Variants in NLRP2 observed in about 807,000 individuals in gnomAD.
NLRP2 encodes the protein NLR family pyrin domain containing 2, also known as NACHT, LRR and PYD domains-containing protein 2.
NLRP2 carries 107 observed loss-of-function variants against 97.2 expected under a neutral mutation model. The observed-to-expected ratio is 1.10, with a 90% confidence interval of 0.94 to 1.29. The LOEUF (loss-of-function observed/expected upper bound fraction) is 1.29, where lower values mean the gene tolerates loss of function less well. Among genes scored for constraint, NLRP2 ranks in the 50% most tolerant of loss-of-function variants. The pLI, the probability that NLRP2 is intolerant of heterozygous loss-of-function variation, is 0.00. For synonymous variants in NLRP2, 663 were observed against 551.5 expected (o/e 1.20, Z -2.83); for missense variants, 1,495 against 1,330.3 (o/e 1.12, Z -1.93).
chr19:54,966,677 C>A (rs1256556508), intron 1 of NLRP2, among the ~76,000 whole-genome samples: 1 of 151,936 alleles, frequency 6.6e-6, no homozygotes, highest in Non-Finnish European at 1.5e-5. Flanking sequence ...TCCCGAGTAG[C>A]TGAGACTACA....
intron 10 of NLRP2, 80 bp from the exon 11 acceptor site, chr19:54,994,189 C>A: frequency 6.8e-7 from 1 of 1,465,510 alleles, no homozygotes; most frequent in Non-Finnish European, 9.6e-7. Context: ...GTCTAACCCA[C>A]GGCTCAAGAG....
rs1376770832 is a variant in NLRP2 at position 54,999,807 on chromosome 19, G to T, written c.3051-953G>T. On this transcript the variant is annotated intron_variant, in intron 12 of 12. Coordinates refer to ENST00000448584, the MANE Select transcript of NLRP2 (RefSeq NM_017852.5). ...GCTGGAGTGCAGGGGCCCGATCTCA[G>T]CTCACTGTAACCTCCGCCTCCCAGG... Among the ~76,000 whole-genome samples the T allele has an allele frequency of 2.0e-5, 3 of 152,044 alleles. No individual in the cohort carries two copies. The East Asian group carries it at 5.8e-4, about 29-fold the overall frequency.
intron 12 of NLRP2, among the ~76,000 whole-genome samples, chr19:54,999,338 G>A (rs1246670894): frequency 6.6e-6 from 1 of 152,098 alleles, no homozygotes; most frequent in Non-Finnish European, 1.5e-5. Flanking sequence ...ATAGAGACAG[G>A]GTTTCTCCAT....
chr19:54,971,863 CTG>C (rs1298217363), intron 2 of NLRP2, among the ~76,000 whole-genome samples: 2 of 152,168 alleles, frequency 1.3e-5, no homozygotes, highest in Non-Finnish European at 2.9e-5. Flanking sequence ...GGATCTCACT[CTG>C]TCACCCAGGC....
intron 3 of NLRP2, among the ~76,000 whole-genome samples, chr19:54,975,543 C>T (rs1568476596): frequency 6.8e-6 from 1 of 146,218 alleles, no homozygotes; most frequent in Non-Finnish European, 1.5e-5. Flanking sequence ...GCTCCGCCTC[C>T]CGGGTTCATG....
chr19:54,994,612 G>A lies in NLRP2; in HGVS notation c.2879+173G>A, dbSNP rs199475725. On this transcript the variant is annotated intron_variant, in intron 11 of 12. Transcript: ENST00000448584. ...GGAATAAGTTCTAGTCTATGTCTAAGTTTTTGTTTTTTTTTTTCTTGAAGT... is the reference window on the plus strand; with the variant it reads ...GGAATAAGTTCTAGTCTATGTCTAAATTTTTGTTTTTTTTTTTCTTGAAGT... Among the ~76,000 whole-genome samples the A allele has an allele frequency of 3.9e-4, 59 of 151,568 alleles. No homozygotes were observed. The highest frequency in any genetic ancestry group is 8.0e-4 in the Non-Finnish European group (54 of 67,838).
intron 4 of NLRP2, among the ~76,000 whole-genome samples, chr19:54,978,274 A>C: frequency 7.0e-6 from 1 of 142,092 alleles, no homozygotes; most frequent in African/African-American, 2.7e-5. Context: ...TGTTCTTGTC[A>C]CCCAGGCTGG....
chr19:54,986,504 C>CA lies in NLRP2; in HGVS notation c.2366+191dup. 3 of 635,676 alleles carry CA rather than the reference C, an allele frequency of 4.7e-6. No homozygotes were observed. The South Asian group carries it at 5.2e-5, about 11-fold the overall frequency. The allele number at this position is 635,676 out of a possible 1,614,324, so 39.4% of individuals were successfully genotyped here. A position where few individuals can be genotyped will look rare whatever the true frequency, so the allele number is the denominator to read the frequency against. On this transcript the variant is annotated intron_variant, in intron 8 of 12. Coordinates refer to ENST00000448584, the MANE Select transcript of NLRP2 (RefSeq NM_017852.5). Reference sequence around the variant, plus strand: ...TGCCTTGAACAGTAAACACCCTGGACAACCATACGTGAGGACCCTGAATCC... The same window carrying CA: ...TGCCTTGAACAGTAAACACCCTGGACAAACCATACGTGAGGACCCTGAATCC...
chr19:54,976,588 C>T (rs182083770), intron 3 of NLRP2, among the ~76,000 whole-genome samples: 4 of 152,144 alleles, frequency 2.6e-5, no homozygotes, highest in Admixed American at 2.0e-4. Flanking sequence ...CTCAAATGAA[C>T]TGTCTGCCTC....
At chr19:54,975,639 A>G (rs1334612845) in intron 3 of NLRP2, among the ~76,000 whole-genome samples, 1 of 151,236 alleles carries the variant, frequency 6.6e-6, no homozygotes, top group East Asian at 2.0e-4. Flanking sequence ...TTTTTAGTAG[A>G]GACGGGGTTT....
At position 54,997,478 on chromosome 19, in the gene NLRP2, G is replaced by A. The variant is rs759064470; in HGVS notation, c.3041G>A (p.Arg1014Gln). Residue 1014 changes from arginine to glutamine, a missense_variant, in exon 12 of 13, where the codon CGG becomes CAG. By Grantham distance (43) the Arg-to-Gln change is conservative (BLOSUM62 1). Coordinates refer to ENST00000448584, the MANE Select transcript of NLRP2 (RefSeq NM_017852.5). ...ETLTCSSGTL[R>Q]TLRLKIDDFN... is the part of the protein sequence containing the mutation. ...TTGACATGTTCCAGTGGCACCCTCC[G>A]GACACTCAGGTATGATCCATTTACT... The A allele has an allele frequency of 8.7e-6, 14 of 1,614,086 alleles. No homozygotes were observed. The highest frequency in any genetic ancestry group is 1.3e-5 in the African/African-American group (1 of 75,002).
chr19:54,971,409 A>G (rs2146344846), intron 2 of NLRP2, among the ~76,000 whole-genome samples: 1 of 152,270 alleles, frequency 6.6e-6, no homozygotes, highest in African/African-American at 2.4e-5. Flanking sequence ...CGACTTCCAC[A>G]ATGGTTGAAC....
At position 54,992,848 on chromosome 19, in the gene NLRP2, C is replaced by T. The variant is rs146755118; in HGVS notation, c.2709-1421C>T. Among the ~76,000 whole-genome samples the T allele has an allele frequency of 1.9e-3, 296 of 152,046 alleles. 1 individual carries two copies. Among genetic ancestry groups the T allele is most frequent in the African/African-American group, 6.7e-3 (277 of 41,500 alleles). ...TGCTGGGATTACAGGTGTGAGCCAC[C>T]GTGCCGGCCCCCTCAATTCAACTTT... On this transcript the variant is annotated intron_variant, in intron 10 of 12. Coordinates refer to ENST00000448584, the MANE Select transcript of NLRP2 (RefSeq NM_017852.5).
chr19:54,994,314 A>G lies in NLRP2; in HGVS notation c.2754A>G (p.Thr918=), dbSNP rs762054536. ...DITSDGCCDL[T]KLLQEKSSLL... Reference sequence around the variant, plus strand: ...CTAGCGATGGCTGCTGCGATCTCACAAAGCTTCTCCAAGAAAAATCAAGCC... The same window carrying G: ...CTAGCGATGGCTGCTGCGATCTCACGAAGCTTCTCCAAGAAAAATCAAGCC... Residue 918 remains threonine (T), a synonymous_variant, in exon 11 of 13, where the codon ACA becomes ACG. Transcript: ENST00000448584. The G allele has an allele frequency of 1.7e-5, 27 of 1,614,044 alleles. No individual in the cohort carries two copies. In the Admixed American group the frequency reaches 4.5e-4, roughly 27 times the overall value.
intron 1 of NLRP2, among the ~76,000 whole-genome samples, chr19:54,969,275 A>G (rs577569280): frequency 6.6e-6 from 1 of 150,892 alleles, no homozygotes; most frequent in South Asian, 2.1e-4. Context: ...GGAGTTCGAG[A>G]CCAGCCTGGC....
intron 1 of NLRP2, among the ~76,000 whole-genome samples, chr19:54,966,848 T>TC (rs1256503942): frequency 7.4e-6 from 1 of 134,990 alleles, no homozygotes. Context: ...TTTTTTTTTT[T>TC]TTTCTTCTCT....
Position 55,000,346 on chromosome 19 carries a change from G to A in NLRP2, c.3051-414G>A, listed in dbSNP as rs538713961. Among the ~76,000 whole-genome samples the A allele has an allele frequency of 1.2e-4, 15 of 121,720 alleles. No homozygotes were observed. In the South Asian group the frequency reaches 3.2e-3, roughly 26 times the overall value. The allele number at this position is 121,720 out of a possible 152,430, so 79.9% of individuals were successfully genotyped here. A position where few individuals can be genotyped will look rare whatever the true frequency, so the allele number is the denominator to read the frequency against. On this transcript the variant is annotated intron_variant, in intron 12 of 12. Coordinates refer to ENST00000448584, the MANE Select transcript of NLRP2 (RefSeq NM_017852.5). ...GGCTGGAGTACAGTGGCACGATCTC[G>A]GCTCACTGCAAGCTCCGCCTCCCGG...
intron 1 of NLRP2, among the ~76,000 whole-genome samples, chr19:54,969,431 T>TTG (rs2070700057): frequency 1.3e-5 from 2 of 149,356 alleles, no homozygotes; most frequent in African/African-American, 5.0e-5. Context: ...TGAGCCGAGA[T>TTG]TGCAGCACTG....
At chr19:54,969,755 G>C (rs1357014075) in intron 1 of NLRP2, among the ~76,000 whole-genome samples, 1 of 152,166 alleles carries the variant, frequency 6.6e-6, no homozygotes, top group Non-Finnish European at 1.5e-5. Flanking sequence ...AGTCTCCCAG[G>C]CTCAAGCAAT....
Sources: gnomAD v4.1 joint callset for allele counts (sites outside exome capture counted in the v4.1 genomes callset) on GRCh38, gnomAD v4.1.1 for gene constraint, MANE v1.5 for transcripts, NCBI Gene and HGNC (gene_info 2026-07-23, HGNC 2026-07-21) for gene names.